ABHD2: variants seen among roughly 807,000 people sequenced by gnomAD.
ABHD2 encodes the protein monoacylglycerol lipase ABHD2.
ABHD2 carries 20 observed loss-of-function variants against 48.1 expected under a neutral mutation model. The ratio of observed to expected loss-of-function variants is 0.42; its 90% confidence interval spans 0.29 to 0.60. ABHD2 has a LOEUF of 0.60. Among genes scored for constraint, ABHD2 ranks in the 20% least tolerant of loss-of-function variants. The pLI is 0.24. For synonymous variants in ABHD2, 209 were observed against 214.2 expected (o/e 0.98, Z 0.21); for missense variants, 405 against 550.9 (o/e 0.74, Z 2.65).
In ABHD2 at chr15:89,201,339, G is replaced by A; in HGVS notation, c.*5916G>A. 2 of 1,033,324 alleles carry A rather than the reference G, an allele frequency of 1.9e-6. No homozygotes were observed. The highest frequency in any genetic ancestry group is 3.0e-6 in the Non-Finnish European group (2 of 665,928). 64.0% of individuals were successfully genotyped at this position (1,033,324 alleles called of 1,614,324 possible). On this transcript the variant is annotated 3_prime_UTR_variant, in exon 11 of 11. Transcript: ENST00000352732. ...TCATGAAGTGAAGCACTGTGTGGTT[G>A]TGGCGTGGGCCCGTCTTGCTTAGAT...
intron 3 of ABHD2, among the ~76,000 whole-genome samples, chr15:89,125,746 A>G (rs2050121411): frequency 6.6e-6 from 1 of 152,166 alleles, no homozygotes; most frequent in Non-Finnish European, 1.5e-5. Flanking sequence ...CTGCTGTAGC[A>G]GGTCATTTAT....
intron 3 of ABHD2, among the ~76,000 whole-genome samples, chr15:89,148,504 G>A (rs189207047): frequency 1.4e-3 from 207 of 152,322 alleles, no homozygotes; most frequent in Non-Finnish European, 2.5e-4. Flanking sequence ...TGGTGGGAAT[G>A]TAAATGAACC....
In ABHD2 at chr15:89,116,516, C is replaced by T. The variant is rs772785581; in HGVS notation, c.189C>T (p.Thr63=). The T allele has an allele frequency of 3.1e-6, 5 of 1,613,200 alleles. No individual in the cohort carries two copies. Among genetic ancestry groups the T allele is most frequent in the Non-Finnish European group, 4.2e-6 (5 of 1,179,518 alleles). Residue 63 remains threonine, a synonymous_variant, in exon 3 of 11, where the codon ACC becomes ACT. Coordinates refer to ENST00000352732, the MANE Select transcript of ABHD2 (RefSeq NM_152924.5). The surrounding 1 kb of genome is among the most constrained non-coding windows in gnomAD (Gnocchi z 4.6). The part of the protein sequence containing the change: ...RFLLKSCPLL[T]KEYIPPLIWG... Reference sequence around the variant, plus strand: ...TGCTCAAGTCCTGTCCTCTTCTGACCAAAGAGTGAGTAGACCTCATGCCCT... The same window carrying T: ...TGCTCAAGTCCTGTCCTCTTCTGACTAAAGAGTGAGTAGACCTCATGCCCT...
upstream of ABHD2, among the ~76,000 whole-genome samples, chr15:89,086,030 CTTTT>C: frequency 6.6e-6 from 1 of 151,984 alleles, no homozygotes; most frequent in East Asian, 1.9e-4. Context: ...AGTGACAAAT[CTTTT>C]TTGTTTTTTT....
In ABHD2 at chr15:89,197,506, A is replaced by G. The variant is rs1162501209; in HGVS notation, c.*2083A>G. 3 of 152,538 alleles carry G rather than the reference A, an allele frequency of 2.0e-5. No homozygotes were observed. The highest frequency in any genetic ancestry group is 2.1e-4 in the South Asian group (1 of 4,826). The allele number at this position is 152,538 out of a possible 1,614,324, so 9.4% of individuals were successfully genotyped here. ...TTCATTTATCAAGACTTTTTATGAG[A>G]ATAGGTAAACCAAGCAATAACTTCC... On this transcript the variant is annotated 3_prime_UTR_variant, in exon 11 of 11. Coordinates refer to ENST00000352732, the MANE Select transcript of ABHD2 (RefSeq NM_152924.5). The surrounding 1 kb of genome is among the most constrained non-coding windows in gnomAD (Gnocchi z 4.4).
rs2051473456 is a variant in ABHD2, at chr15:89,202,347, A to G, written c.*6924A>G. The G allele has an allele frequency of 6.5e-6, 1 of 152,772 alleles. No individual in the cohort carries two copies. The highest frequency in any genetic ancestry group is 1.5e-5 in the Non-Finnish European group (1 of 68,486). 9.5% of individuals were successfully genotyped at this position (152,772 alleles called of 1,614,324 possible). ...GGAATTTACCTAAAAAATAAAGACT[A>G]AAAATGTGGTGTGGCTATGTGTCCT... On this transcript the variant is annotated 3_prime_UTR_variant, in exon 11 of 11. Transcript: ENST00000352732.
intron 9 of ABHD2, among the ~76,000 whole-genome samples, chr15:89,192,544 C>T (rs1228864830): frequency 2.0e-5 from 3 of 148,590 alleles, no homozygotes; most frequent in Non-Finnish European, 4.4e-5. Context: ...GGGTCTTGCT[C>T]TGTTTCCCAG....
chr15:89,116,476 G>A lies in ABHD2; in HGVS notation c.149G>A (p.Gly50Glu), dbSNP rs781450585. The A allele has an allele frequency of 6.2e-7, 1 of 1,614,208 alleles. No individual in the cohort carries two copies. Among genetic ancestry groups the A allele is most frequent in the Non-Finnish European group, 8.5e-7 (1 of 1,180,044 alleles). The change falls in exon 3 of 11, where the codon GGG becomes GAG. Residue 50 changes from glycine (G) to glutamate (E), a missense_variant. Transcript: ENST00000352732. The surrounding 1 kb of genome is among the most constrained non-coding windows in gnomAD (Gnocchi z 4.6). ...APPDLYFQDS[G>E]LSRFLLKSCP... ...CCTGACCTCTACTTCCAGGACTCGG[G>A]GCTCTCACGCTTTCTGCTCAAGTCC...
intron 5 of ABHD2, among the ~76,000 whole-genome samples, chr15:89,170,080 C>CTTTTTTT (rs748983183): frequency 0.015 from 547 of 37,498 alleles, 168 homozygotes; most frequent in East Asian, 0.03. Flanking sequence ...AGATCAGATT[C>CTTTTTTT]TTTTTTTTTT....
At chr15:89,044,057 C>T in the ABHD2 span, among the ~76,000 whole-genome samples, 1 of 152,086 alleles carries the variant, frequency 6.6e-6, no homozygotes, top group Non-Finnish European at 1.5e-5. Context: ...TCCCCACTTC[C>T]CCCAACCCAC....
chr15:89,161,641 T>C (rs2150905546), intron 5 of ABHD2, among the ~76,000 whole-genome samples: 1 of 152,314 alleles, frequency 6.6e-6, no homozygotes, highest in Admixed American at 6.5e-5. Context: ...CCTTAGGTGA[T>C]CCGCCCACCT....
intron 6 of ABHD2, chr15:89,183,381 AAAAAT>A (rs1219516156): frequency 3.2e-4 from 23 of 72,714 alleles, no homozygotes; most frequent in Middle Eastern, 6.3e-3. Flanking sequence ...AAAAAAAAAA[AAAAAT>A]ATATATATAT....
chr15:89,113,168 G>A lies in ABHD2; in HGVS notation c.-106-557G>A, dbSNP rs184861085. Among the ~76,000 whole-genome samples the A allele has an allele frequency of 2.0e-3, 304 of 152,242 alleles. 1 individual carries two copies. The highest frequency in any genetic ancestry group is 6.6e-3 in the African/African-American group (275 of 41,558). ...TGGCGCTTCTCAGCAGCCAGCCTCT[G>A]GCCATAGTCTGAACTCAGACCCTAC... is the stretch of plus-strand genomic sequence containing the variant. On this transcript the variant is annotated intron_variant, in intron 1 of 10. Coordinates refer to ENST00000352732, the MANE Select transcript of ABHD2 (RefSeq NM_152924.5).
chr15:89,050,115 A>G, the ABHD2 span, among the ~76,000 whole-genome samples: 1 of 152,236 alleles, frequency 6.6e-6, no homozygotes, highest in Non-Finnish European at 1.5e-5. Context: ...GATGAAAGAC[A>G]AAGGGTTCAT....
chr15:89,122,730 C>T (rs564017792), intron 3 of ABHD2, among the ~76,000 whole-genome samples: 2 of 152,200 alleles, frequency 1.3e-5, no homozygotes, highest in Non-Finnish European at 2.9e-5. Flanking sequence ...GCAGCAGGTG[C>T]CCTGTCTCTG....
rs1009459484 is a variant in ABHD2, at chr15:89,198,287, A to G, written c.*2864A>G. 3.3e-5 allele frequency: 5 copies of G among 152,244 alleles called. No homozygotes were observed. The highest frequency in any genetic ancestry group is 7.3e-5 in the Non-Finnish European group (5 of 68,046). The allele number at this position is 152,244 out of a possible 1,614,324, so 9.4% of individuals were successfully genotyped here. A position where few individuals can be genotyped will look rare whatever the true frequency, so the allele number is the denominator to read the frequency against. On this transcript the variant is annotated 3_prime_UTR_variant, in exon 11 of 11. Transcript: ENST00000352732. The surrounding 1 kb of genome is among the most constrained non-coding windows in gnomAD (Gnocchi z 5.1). ...AATATGTTAAAAACCAATGGGGAGAAGCACCCACATCTCTCCTGTAGCACT... is the reference window on the plus strand; with the variant it reads ...AATATGTTAAAAACCAATGGGGAGAGGCACCCACATCTCTCCTGTAGCACT...
chr15:89,149,817 G>T (rs1436584234), intron 3 of ABHD2, among the ~76,000 whole-genome samples: 1 of 152,224 alleles, frequency 6.6e-6, no homozygotes, highest in Non-Finnish European at 1.5e-5. Context: ...CGAGTACCAG[G>T]GTGTAGCCGG....
rs2050660577 is a variant in ABHD2 at position 89,155,626 on chromosome 15, C to G, written c.538+92C>G. 8.2e-6 allele frequency: 12 copies of G among 1,456,466 alleles called. No homozygotes were observed. The Admixed American group carries it at 2.5e-4, about 30-fold the overall frequency. The allele number at this position is 1,456,466 out of a possible 1,614,324, so 90.2% of individuals were successfully genotyped here. A position where few individuals can be genotyped will look rare whatever the true frequency, so the allele number is the denominator to read the frequency against. ...TTTTTTCTTTTTTTAAGTTTTAAAC[C>G]TATGCCCATCTGCAAGAGATGGTAG... On this transcript the variant is annotated intron_variant, in intron 5 of 10. Coordinates refer to ENST00000352732, the MANE Select transcript of ABHD2 (RefSeq NM_152924.5). The surrounding 1 kb of genome is among the most constrained non-coding windows in gnomAD (Gnocchi z 4.9).
At chr15:89,153,693 T>G (rs932336099) in intron 4 of ABHD2, among the ~76,000 whole-genome samples, 4 of 152,248 alleles carry the variant, frequency 2.6e-5, no homozygotes, top group Non-Finnish European at 4.4e-5. Context: ...TGATTTTTTT[T>G]CTGACTATAA....
Sources: allele counts gnomAD v4.1 joint callset (sites outside exome capture counted in the v4.1 genomes callset), GRCh38; gene constraint gnomAD v4.1.1; non-coding constraint Gnocchi (gnomAD v3.1); transcripts MANE v1.5; gene names NCBI Gene and HGNC (gene_info 2026-07-23, HGNC 2026-07-21).